The following TACR1 variants were observed in gnomAD, a reference collection of about 807,000 sequenced individuals.
TACR1 encodes the protein tachykinin receptor 1.
In TACR1, 25 loss-of-function variants were observed where a neutral mutation model predicts 35.8. That is an observed-to-expected ratio of 0.70 (90% CI 0.51 to 0.98). TACR1 has a LOEUF of 0.98. Among genes scored for constraint, TACR1 ranks in the 50% least tolerant of loss-of-function variants. The probability of loss-of-function intolerance (pLI) is 0.00; values close to 1 mark genes in which losing one functional copy is unlikely to be tolerated. For missense variants in TACR1, 478 were observed against 522.9 expected (o/e 0.91, Z 0.84); for synonymous variants, 195 against 206.7 (o/e 0.94, Z 0.48).
chr2:75,183,954 C>T (rs1675622627), intron 1 of TACR1, among the ~76,000 whole-genome samples: 1 of 152,236 alleles, frequency 6.6e-6, no homozygotes, highest in Admixed American at 6.5e-5. Context: ...AAGCTTCTCA[C>T]TGAAGTTCGC....
chr2:75,149,555 T>C (rs1217249269), intron 1 of TACR1, among the ~76,000 whole-genome samples: 1 of 152,168 alleles, frequency 6.6e-6, no homozygotes, highest in Non-Finnish European at 1.5e-5. Flanking sequence ...GTTGTTGGTG[T>C]ATAGGAACAT....
chr2:75,114,532 A>G (rs1673813328), intron 2 of TACR1, among the ~76,000 whole-genome samples: 1 of 152,230 alleles, frequency 6.6e-6, no homozygotes, highest in African/African-American at 2.4e-5. Context: ...CATAACAACT[A>G]CAAGAATGGG....
intron 1 of TACR1, 151 bp downstream of exon 1, chr2:75,198,395 C>G (rs1402611549): frequency 8.3e-6 from 7 of 840,488 alleles, no homozygotes; most frequent in Non-Finnish European, 1.3e-5. Context: ...GATGAAGTTC[C>G]CCATCAACAA....
intron 1 of TACR1, among the ~76,000 whole-genome samples, chr2:75,152,824 CCTCA>C (rs1157597112): frequency 5.9e-5 from 9 of 152,214 alleles, no homozygotes; most frequent in African/African-American, 2.2e-4. Flanking sequence ...AGACTGTACA[CCTCA>C]CTCTACCATT....
At chr2:75,164,179 TA>T (rs2103999202) in intron 1 of TACR1, among the ~76,000 whole-genome samples, 1 of 151,920 alleles carries the variant, frequency 6.6e-6, no homozygotes, top group African/African-American at 2.4e-5. Flanking sequence ...TACAAAATAT[TA>T]GCCAGGCGTG....
intron 2 of TACR1, among the ~76,000 whole-genome samples, chr2:75,065,107 A>G (rs565033334): frequency 6.6e-6 from 1 of 152,326 alleles, no homozygotes; most frequent in Non-Finnish European, 1.5e-5. Context: ...CGGAAATGTG[A>G]GGCAGGTAAC....
chr2:75,133,840 G>A (rs1674226030), intron 1 of TACR1, among the ~76,000 whole-genome samples: 1 of 152,196 alleles, frequency 6.6e-6, no homozygotes, highest in African/African-American at 2.4e-5. Flanking sequence ...ATCACAGGGT[G>A]ACATAAGAGG....
chr2:75,077,265 C>T (rs150896746), intron 2 of TACR1, among the ~76,000 whole-genome samples: 117 of 152,240 alleles, frequency 7.7e-4, no homozygotes, highest in African/African-American at 2.4e-3. Flanking sequence ...CCACCGCACC[C>T]GGCCTATTAT....
chr2:75,069,854 T>C (rs1672840177), intron 2 of TACR1, among the ~76,000 whole-genome samples: 1 of 152,154 alleles, frequency 6.6e-6, no homozygotes, highest in Admixed American at 6.5e-5. Context: ...TGTTGCTTGA[T>C]CTCCAGGCTG....
At chr2:75,153,960 A>C (rs1674736266) in intron 1 of TACR1, among the ~76,000 whole-genome samples, 1 of 152,128 alleles carries the variant, frequency 6.6e-6, no homozygotes, top group African/African-American at 2.4e-5. Flanking sequence ...TGTGGGACTG[A>C]GGTCTCTCCA....
intron 1 of TACR1, among the ~76,000 whole-genome samples, chr2:75,164,110 G>A (rs1421469414): frequency 1.3e-5 from 2 of 152,022 alleles, no homozygotes; most frequent in African/African-American, 2.4e-5. Context: ...GATGGTTCAC[G>A]AGGTCAGGAG....
Position 75,053,646 on chromosome 2 carries a change from A to C in TACR1, c.694T>G (p.Ser232Ala), listed in dbSNP as rs750222579. 2.5e-6 allele frequency: 4 copies of C among 1,597,280 alleles called. No homozygotes were observed. Among genetic ancestry groups the C allele is most frequent in the East Asian group, 2.2e-5 (1 of 44,564 alleles). ...ACTTGCTCGTGGTAGCGGTCAGAGGAGTCCCCGGGGATCTCACTGGCCCAT... is the reference window on the plus strand; with the variant it reads ...ACTTGCTCGTGGTAGCGGTCAGAGGCGTCCCCGGGGATCTCACTGGCCCAT... ...TLWASEIPGDSSDRYHEQVSA... is the reference protein window; with the variant it reads ...TLWASEIPGDASDRYHEQVSA... Residue 232 changes from serine to alanine, a missense_variant, in exon 3 of 5, where the codon TCC (serine) becomes GCC (alanine). Transcript: ENST00000305249.
At chr2:75,097,739 C>T (rs1202034469) in intron 2 of TACR1, among the ~76,000 whole-genome samples, 2 of 152,110 alleles carry the variant, frequency 1.3e-5, no homozygotes, top group East Asian at 3.8e-4. Context: ...TTGTTTTTTT[C>T]TCTTGCTCAG....
intron 2 of TACR1, among the ~76,000 whole-genome samples, chr2:75,079,918 G>A (rs1673051595): frequency 6.6e-6 from 1 of 152,104 alleles, no homozygotes; most frequent in South Asian, 2.1e-4. Context: ...CCACCATACT[G>A]CCTCAGCAGC....
chr2:75,072,754 C>T (rs544231760), intron 2 of TACR1, among the ~76,000 whole-genome samples: 5 of 152,344 alleles, frequency 3.3e-5, no homozygotes, highest in South Asian at 2.1e-4. Flanking sequence ...CCTTGCACAG[C>T]GCCTGGCACA....
At chr2:75,180,927 C>T (rs1049781380) in intron 1 of TACR1, among the ~76,000 whole-genome samples, 4 of 152,198 alleles carry the variant, frequency 2.6e-5, no homozygotes, top group African/African-American at 9.7e-5. Flanking sequence ...AGACATTTTA[C>T]AGTGAATATG....
intron 2 of TACR1, among the ~76,000 whole-genome samples, chr2:75,109,098 T>C (rs1673703826): frequency 6.6e-6 from 1 of 152,148 alleles, no homozygotes; most frequent in Non-Finnish European, 1.5e-5. Context: ...CTTGCTGCAG[T>C]GCTGAAGGCT....
At chr2:75,125,681 C>T (rs1487317511) in intron 1 of TACR1, among the ~76,000 whole-genome samples, 1 of 152,114 alleles carries the variant, frequency 6.6e-6, no homozygotes, top group African/African-American at 2.4e-5. Flanking sequence ...CATGTTATAC[C>T]TTTATTCCTC....
At chr2:75,180,272 A>G (rs1423037183) in intron 1 of TACR1, among the ~76,000 whole-genome samples, 1 of 152,228 alleles carries the variant, frequency 6.6e-6, no homozygotes, top group Non-Finnish European at 1.5e-5. Context: ...TAAATGGAGA[A>G]TAAGGGCTCT....
Sources: allele counts gnomAD v4.1 joint callset (sites outside exome capture counted in the v4.1 genomes callset), GRCh38; gene constraint gnomAD v4.1.1; transcripts MANE v1.5; gene names NCBI Gene and HGNC (gene_info 2026-07-23, HGNC 2026-07-21).